Variants in CAMK2A observed in about 807,000 individuals in gnomAD.
CAMK2A encodes calcium/calmodulin-dependent protein kinase type II subunit alpha.
Under a neutral mutation model 79.2 loss-of-function variants are expected in CAMK2A, and 7 were observed. The ratio of observed to expected loss-of-function variants is 0.09; its 90% CI spans 0.05 to 0.17. The LOEUF (loss-of-function observed/expected upper bound fraction) is 0.17. Among genes scored for constraint, CAMK2A ranks in the 10% least tolerant of loss-of-function variants. The probability of loss-of-function intolerance (pLI) is 1.00; values close to 1 mark genes in which losing one functional copy is unlikely to be tolerated. For missense variants in CAMK2A, 214 were observed against 646.4 expected, an observed-to-expected ratio of 0.33 and a Z score of 7.25; for synonymous variants, 242 against 251.7, an observed-to-expected ratio of 0.96 and a Z score of 0.36.
chr5:150,231,679 C>T (rs1467197193), intron 15 of CAMK2A, among the ~76,000 whole-genome samples: 2 of 151,002 alleles, frequency 1.3e-5, no homozygotes, highest in Non-Finnish European at 2.9e-5. Context: ...TCTCTGTTGG[C>T]GGTCTTTGCC....
chr5:150,234,750 G>A (rs932208055), intron 15 of CAMK2A, among the ~76,000 whole-genome samples: 1 of 152,208 alleles, frequency 6.6e-6, no homozygotes, highest in African/African-American at 2.4e-5. Flanking sequence ...ATATGAGGGG[G>A]TGTAGCTCTG....
At position 150,244,717 on chromosome 5, in the gene CAMK2A, C is replaced by T. The variant is rs114279645; in HGVS notation, c.984+444G>A. 6.8e-3 allele frequency among the ~76,000 whole-genome samples: 1,038 copies of T among 152,288 alleles called. 9 individuals carry two copies. Among genetic ancestry groups the T allele is most frequent in the African/African-American group, 0.022 (919 of 41,566 alleles). On this transcript the variant is annotated intron_variant, in intron 13 of 18. Transcript: ENST00000671881. ...AAGAGGAATGGCTGTCCATCCTCCA[C>T]GAGCTTTCTGGGTGGAACTAAGGTG...
rs140445868 is a variant in CAMK2A at position 150,233,493 on chromosome 5, G to A, written c.1067-2113C>T. The stretch of plus-strand genomic sequence containing the variant: ...ATGAGTCCATTTTTAGACCATGAGT[G>A]CCACCGGGTCACACAGGTGTTGCTG... On this transcript the variant is annotated intron_variant, in intron 15 of 18. Transcript: ENST00000671881. Among the ~76,000 whole-genome samples the A allele has an allele frequency of 1.2e-4, 18 of 152,322 alleles. No individual in the cohort carries two copies. The East Asian group carries it at 3.3e-3, about 28-fold the overall frequency.
In CAMK2A at chr5:150,223,994, T is replaced by A. The variant is rs907269901; in HGVS notation, c.1238-777A>T. 5.9e-5 allele frequency among the ~76,000 whole-genome samples: 9 copies of A among 152,252 alleles called. No individual in the cohort carries two copies. Among genetic ancestry groups the A allele is most frequent in the African/African-American group, 2.2e-4 (9 of 41,526 alleles). On this transcript the variant is annotated intron_variant, in intron 17 of 18. Coordinates refer to ENST00000671881, the MANE Select transcript of CAMK2A (RefSeq NM_015981.4). The surrounding 1 kb of genome is among the most constrained non-coding windows in gnomAD (Gnocchi z 4.1). ...GAAACGTGGAGGAATATGAAAATTG[T>A]AGAATCTTAGAACCTTGAAATGATA... is the stretch of plus-strand genomic sequence containing the variant.
intron 12 of CAMK2A, 56 bp downstream of exon 12, chr5:150,247,716 T>G (rs1580918441): frequency 7.0e-7 from 1 of 1,437,420 alleles, no homozygotes; most frequent in Non-Finnish European, 9.7e-7. Flanking sequence ...GACAGGACGG[T>G]GCCCCCAACG....
At chr5:150,230,913 C>T (rs1049751691) in intron 16 of CAMK2A, among the ~76,000 whole-genome samples, 3 of 152,316 alleles carry the variant, frequency 2.0e-5, no homozygotes, top group African/African-American at 7.2e-5. Context: ...AGGGTGAGCA[C>T]TCAGGCCTAC....
chr5:150,231,407 T>C, intron 15 of CAMK2A, 27 bp from the exon 16 acceptor site: 1 of 22,968 alleles, frequency 4.4e-5, no homozygotes, highest in Non-Finnish European at 7.9e-5. Flanking sequence ...GACACAGAAA[T>C]AATAATAATA....
At chr5:150,276,972 G>A (rs180681052) in intron 1 of CAMK2A, among the ~76,000 whole-genome samples, 9 of 152,280 alleles carry the variant, frequency 5.9e-5, no homozygotes, top group East Asian at 3.9e-4. Context: ...GCTCACGCCC[G>A]CAATCCCAGC....
chr5:150,257,016 C>G (rs1227844389), intron 4 of CAMK2A, among the ~76,000 whole-genome samples, 185 bp from the exon 5 acceptor site: 2 of 152,160 alleles, frequency 1.3e-5, no homozygotes, highest in Non-Finnish European at 2.9e-5. Context: ...GAGCACCCTT[C>G]CATTGACTCC....
intron 15 of CAMK2A, 24 bp downstream of exon 15, chr5:150,238,676 C>T: frequency 6.3e-7 from 1 of 1,592,304 alleles, no homozygotes; most frequent in Non-Finnish European, 8.6e-7. Context: ...CTAAGGGGTC[C>T]CGACACTGAA....
At chr5:150,242,649 C>T (rs569534034) in intron 13 of CAMK2A, among the ~76,000 whole-genome samples, 20 of 152,296 alleles carry the variant, frequency 1.3e-4, no homozygotes, top group African/African-American at 4.8e-4. Flanking sequence ...TCCCCTGGAA[C>T]AGGCAACAGA....
chr5:150,283,181 C>G (rs544190511), intron 1 of CAMK2A, among the ~76,000 whole-genome samples: 1 of 152,314 alleles, frequency 6.6e-6, no homozygotes, highest in South Asian at 2.1e-4. Context: ...TTTTAATAGT[C>G]CTGCTAGGAC....
At chr5:150,267,211 T>C (rs2150296839) in intron 2 of CAMK2A, among the ~76,000 whole-genome samples, 1 of 152,330 alleles carries the variant, frequency 6.6e-6, no homozygotes, top group South Asian at 2.1e-4. Flanking sequence ...CATCCAGAGC[T>C]GACCAGGCGG....
intron 3 of CAMK2A, among the ~76,000 whole-genome samples, chr5:150,263,671 C>G (rs1756391728): frequency 6.6e-6 from 1 of 152,182 alleles, no homozygotes. Context: ...CTCTCACACA[C>G]TTAACACACA....
intron 3 of CAMK2A, among the ~76,000 whole-genome samples, chr5:150,261,495 A>C (rs1022283695): frequency 3.4e-4 from 52 of 152,072 alleles, no homozygotes; most frequent in African/African-American, 1.2e-3. Context: ...GTCACTTTTG[A>C]CTGTTTAAAA....
Position 150,223,088 on chromosome 5 carries a change from C to T in CAMK2A, c.1367G>A (p.Arg456His), listed in dbSNP as rs1221317581. Residue 456 changes from arginine to histidine, a missense_variant, in exon 18 of 19, where the codon CGC (arginine) becomes CAC (histidine). Physicochemically the swap from Arg to His is conservative, Grantham distance 29 (BLOSUM62 0). Transcript: ENST00000671881. This position sits in a 1 kb window ranked among gnomAD's most constrained non-coding sequence, Gnocchi z 4.1. ...TQYLDAGGIPRTAQSEETRVW... is the reference protein window; with the variant it reads ...TQYLDAGGIPHTAQSEETRVW... ...ACGGGTCTCCTCCGACTGGGCGGTG[C>T]GTGGGATGCCGCCAGCGTCCAGGTA... 3 of 1,614,158 alleles carry T rather than the reference C, an allele frequency of 1.9e-6. No individual in the cohort carries two copies. Among genetic ancestry groups the T allele is most frequent in the Admixed American group, 1.7e-5 (1 of 60,034 alleles).
At chr5:150,245,499 A>T (rs1031390783) in intron 12 of CAMK2A, among the ~76,000 whole-genome samples, 1 of 152,156 alleles carries the variant, frequency 6.6e-6, no homozygotes, top group African/African-American at 2.4e-5. Flanking sequence ...CTGCTGTTTC[A>T]GCCCGGGGAT....
At chr5:150,248,083 C>T (rs1353969311) in intron 11 of CAMK2A, among the ~76,000 whole-genome samples, 1 of 152,130 alleles carries the variant, frequency 6.6e-6, no homozygotes, top group African/African-American at 2.4e-5. Context: ...TTAATGGGCC[C>T]CTTGGCCCGC....
At chr5:150,264,209 G>A (rs889440567) in intron 3 of CAMK2A, among the ~76,000 whole-genome samples, 4 of 152,184 alleles carry the variant, frequency 2.6e-5, no homozygotes, top group African/African-American at 9.7e-5. Context: ...TTTTCACAAG[G>A]TGCCCAAGAT....
Sources: gnomAD v4.1 joint callset for allele counts (sites outside exome capture counted in the v4.1 genomes callset) on GRCh38, gnomAD v4.1.1 for gene constraint, Gnocchi (gnomAD v3.1) non-coding constraint, MANE v1.5 for transcripts, NCBI Gene and HGNC (gene_info 2026-07-23, HGNC 2026-07-21) for gene names.